CSMD3: variants seen among roughly 807,000 people sequenced by gnomAD.
CSMD3 encodes CUB and Sushi multiple domains 3.
CSMD3 carries 177 observed loss-of-function variants against 435.2 expected under a neutral mutation model. That is an observed-to-expected ratio of 0.41 (90% CI 0.36 to 0.46). The LOEUF (loss-of-function observed/expected upper bound fraction) is 0.46. Among genes scored for constraint, CSMD3 ranks in the 20% least tolerant of loss-of-function variants. The pLI is 0.34. For synonymous variants in CSMD3, 1,656 were observed against 1,520.5 expected (o/e 1.09, Z -2.07); for missense variants, 4,265 against 4,504.6 (o/e 0.95, Z 1.52).
At chr8:113,209,504 G>A (rs993411822) in intron 3 of CSMD3, among the ~76,000 whole-genome samples, 4 of 151,976 alleles carry the variant, frequency 2.6e-5, no homozygotes, top group Non-Finnish European at 5.9e-5. Flanking sequence ...GAAGTCTTAC[G>A]GTGTTAATGT....
At chr8:112,985,735 T>C (rs893357346) in intron 6 of CSMD3, among the ~76,000 whole-genome samples, 1 of 152,132 alleles carries the variant, frequency 6.6e-6, no homozygotes, top group Admixed American at 6.6e-5. Flanking sequence ...GAGCATGAAC[T>C]GCTCAAGCAA....
At chr8:112,579,922 T>C (rs1830220067) in intron 23 of CSMD3, among the ~76,000 whole-genome samples, 1 of 152,088 alleles carries the variant, frequency 6.6e-6, no homozygotes, top group Non-Finnish European at 1.5e-5. Context: ...GTCTACATTT[T>C]GCATAAGAAA....
intron 48 of CSMD3, among the ~76,000 whole-genome samples, 171 bp downstream of exon 48, chr8:112,314,258 G>T (rs1275248070): frequency 6.6e-6 from 1 of 151,910 alleles, no homozygotes; most frequent in Admixed American, 6.6e-5. Context: ...AAATAATAGT[G>T]GAGCTAACTA....
chr8:112,789,762 A>G (rs1375553542), intron 13 of CSMD3, among the ~76,000 whole-genome samples: 1 of 152,010 alleles, frequency 6.6e-6, no homozygotes, highest in Admixed American at 6.6e-5. Flanking sequence ...TGATCCCACT[A>G]AATTGGATTT....
chr8:112,844,407 C>T (rs1461566788), intron 11 of CSMD3, among the ~76,000 whole-genome samples: 1 of 151,920 alleles, frequency 6.6e-6, no homozygotes. Flanking sequence ...GTTGTCCTTA[C>T]TAAAGACTAT....
intron 4 of CSMD3, among the ~76,000 whole-genome samples, chr8:113,144,643 T>C (rs1293890058): frequency 6.6e-6 from 1 of 151,612 alleles, no homozygotes; most frequent in African/African-American, 2.4e-5. Context: ...TGTTGCTTTC[T>C]TACTCTGTGC....
chr8:113,006,691 G>C (rs2086069775), intron 6 of CSMD3, among the ~76,000 whole-genome samples: 1 of 151,886 alleles, frequency 6.6e-6, no homozygotes. Flanking sequence ...TTTTATCAAG[G>C]AGGATCATGG....
intron 26 of CSMD3, among the ~76,000 whole-genome samples, chr8:112,552,064 TG>T (rs987365022): frequency 6.6e-6 from 1 of 152,088 alleles, no homozygotes; most frequent in African/African-American, 2.4e-5. Flanking sequence ...CATGATTACA[TG>T]GGCAGAGAGC....
At chr8:113,125,990 A>G (rs1478408215) in intron 4 of CSMD3, among the ~76,000 whole-genome samples, 2 of 151,998 alleles carry the variant, frequency 1.3e-5, no homozygotes, top group Non-Finnish European at 2.9e-5. Flanking sequence ...TAATGTTATG[A>G]TCCAATCAAG....
At chr8:112,317,666 A>C (rs530272990) in intron 47 of CSMD3, among the ~76,000 whole-genome samples, 2 of 152,164 alleles carry the variant, frequency 1.3e-5, no homozygotes, top group South Asian at 4.1e-4. Flanking sequence ...TCCTAATAGC[A>C]GTAAGACCAT....
intron 13 of CSMD3, among the ~76,000 whole-genome samples, chr8:112,694,319 CA>C (rs1416137519): frequency 2.0e-5 from 3 of 151,852 alleles, no homozygotes; most frequent in African/African-American, 7.3e-5. Context: ...TGTGTTTGAG[CA>C]AGAAAAAACA....
chr8:112,241,842 G>GCACACACACACACACACACA lies in CSMD3; in HGVS notation c.10403-58_10403-57insTGTGTGTGTGTGTGTGTGTG, dbSNP rs5894076. 2.2e-5 allele frequency: 13 copies of GCACACACACACACACACACA among 601,936 alleles called. No homozygotes were observed. In the African/African-American group the frequency reaches 2.5e-4, roughly 11 times the overall value. 37.3% of individuals were successfully genotyped at this position (601,936 alleles called of 1,614,324 possible). A position where few individuals can be genotyped will look rare whatever the true frequency, so the allele number is the denominator to read the frequency against. On this transcript the variant is annotated intron_variant, in intron 65 of 70. Transcript: ENST00000297405. ...TTGATGCAATTAATTACATACACAT[G>GCACACACACACACACACACA]CGCACACACACACACGCACACACAC...
intron 32 of CSMD3, among the ~76,000 whole-genome samples, chr8:112,468,140 G>A (rs970483099): frequency 2.6e-5 from 4 of 151,790 alleles, no homozygotes; most frequent in African/African-American, 9.7e-5. Flanking sequence ...AATTAATCCA[G>A]ATATTTTGTT....
intron 11 of CSMD3, among the ~76,000 whole-genome samples, chr8:112,836,920 A>G (rs569989262): frequency 2.6e-5 from 4 of 151,868 alleles, no homozygotes; most frequent in East Asian, 1.9e-4. Flanking sequence ...CTAAACTTCA[A>G]GTTTGCTTGA....
intron 1 of CSMD3, among the ~76,000 whole-genome samples, chr8:113,393,197 A>G (rs2094469009): frequency 1.3e-5 from 2 of 152,024 alleles, no homozygotes; most frequent in Admixed American, 6.6e-5. Context: ...CATAAAATAT[A>G]AAGAGAATGT....
rs2079517956 is a variant in CSMD3 at position 112,821,081 on chromosome 8, C to G, written c.1859+8605G>C. Among the ~76,000 whole-genome samples the G allele has an allele frequency of 2.0e-5, 3 of 152,098 alleles. No individual in the cohort carries two copies. The South Asian group carries it at 6.2e-4, about 32-fold the overall frequency. ...ATGGGCATTTGGGTTGGTTCTGTGT[C>G]TTTGCTATTGCAAATAGTGCTTCAA... is the stretch of plus-strand genomic sequence containing the variant. On this transcript the variant is annotated intron_variant, in intron 12 of 70. Transcript: ENST00000297405.
rs554822318 is a variant in CSMD3 at position 112,988,656 on chromosome 8, C to A, written c.1031-12508G>T. Among the ~76,000 whole-genome samples, 4 of 152,102 alleles carry A rather than the reference C, an allele frequency of 2.6e-5. No homozygotes were observed. The East Asian group carries it at 5.8e-4, about 22-fold the overall frequency. ...GTTTCTGGTTCCTAACTTTTACCAACAAAGTCTTCTCCAATCTTCAGAAAA... is the reference window on the plus strand; with the variant it reads ...GTTTCTGGTTCCTAACTTTTACCAAAAAAGTCTTCTCCAATCTTCAGAAAA... On this transcript the variant is annotated intron_variant, in intron 6 of 70. Coordinates refer to ENST00000297405, the MANE Select transcript of CSMD3 (RefSeq NM_198123.2).
At chr8:112,453,568 T>G (rs936812646) in intron 32 of CSMD3, among the ~76,000 whole-genome samples, 3 of 151,906 alleles carry the variant, frequency 2.0e-5, no homozygotes, top group Non-Finnish European at 4.4e-5. Flanking sequence ...GGGTGAAAGA[T>G]CTCTACAAGG....
At chr8:113,000,524 G>T (rs971265655) in intron 6 of CSMD3, among the ~76,000 whole-genome samples, 1 of 151,932 alleles carries the variant, frequency 6.6e-6, no homozygotes, top group South Asian at 2.1e-4. Flanking sequence ...TAATTAGCCC[G>T]ATTTAGTCAT....
Sources: gnomAD v4.1 joint callset for allele counts (sites outside exome capture counted in the v4.1 genomes callset) on GRCh38, gnomAD v4.1.1 for gene constraint, MANE v1.5 for transcripts, NCBI Gene and HGNC (gene_info 2026-07-23, HGNC 2026-07-21) for gene names.